The following PARD6G variants were observed in gnomAD, a reference collection of about 807,000 sequenced individuals.
The protein encoded by PARD6G is par-6 family cell polarity regulator gamma.
PARD6G carries 7 observed loss-of-function variants against 10.7 expected under a neutral mutation model. That is an observed-to-expected ratio of 0.66 (90% CI 0.37 to 1.23). The LOEUF (loss-of-function observed/expected upper bound fraction) is 1.23. Among genes scored for constraint, PARD6G ranks in the 50% most tolerant of loss-of-function variants. PARD6G has a pLI of 0.02. For missense variants in PARD6G, 548 were observed against 571.8 expected, an observed-to-expected ratio of 0.96 and a Z score of 0.42; for synonymous variants, 287 against 269.4, an observed-to-expected ratio of 1.07 and a Z score of -0.64.
At chr18:80,193,746 T>C (rs1966924040) in intron 2 of PARD6G, among the ~76,000 whole-genome samples, 1 of 152,160 alleles carries the variant, frequency 6.6e-6, no homozygotes, top group African/African-American at 2.4e-5. Flanking sequence ...TGGCTCCGAG[T>C]GGAACTGCTG....
chr18:80,222,542 G>A (rs187516714), intron 1 of PARD6G, among the ~76,000 whole-genome samples: 21 of 151,962 alleles, frequency 1.4e-4, no homozygotes, highest in East Asian at 1.4e-3. Flanking sequence ...TCTTGAAAAC[G>A]AAAAACATAG....
chr18:80,216,846 T>C (rs761299489), intron 1 of PARD6G, among the ~76,000 whole-genome samples: 2 of 152,114 alleles, frequency 1.3e-5, no homozygotes, highest in African/African-American at 4.8e-5. Context: ...ACTAACAATA[T>C]TGACAAATCT....
intron 2 of PARD6G, among the ~76,000 whole-genome samples, chr18:80,190,567 G>A (rs1966889051): frequency 1.3e-5 from 2 of 152,250 alleles, no homozygotes; most frequent in South Asian, 2.1e-4. Context: ...ATGGAAGCAG[G>A]CCCAGACACG....
rs138684648 is a variant in PARD6G, at chr18:80,242,888, G to A, written c.72+4389C>T. On this transcript the variant is annotated intron_variant, in intron 1 of 2. Transcript: ENST00000353265. Reference sequence around the variant, plus strand: ...GGGAAAGAATGAGAAAATGCCCAGCGCTAGAAGGAGGAAAGAAGAAAGGGA... The same window carrying A: ...GGGAAAGAATGAGAAAATGCCCAGCACTAGAAGGAGGAAAGAAGAAAGGGA... Among the ~76,000 whole-genome samples, 287 of 152,242 alleles carry A rather than the reference G, an allele frequency of 1.9e-3. 3 individuals are homozygous for A. Among genetic ancestry groups the A allele is most frequent in the Admixed American group, 6.2e-3 (95 of 15,288 alleles).
rs1297054817 is a variant in PARD6G at position 80,181,005 on chromosome 18, G to T, written c.296-20399C>A. Among the ~76,000 whole-genome samples the T allele has an allele frequency of 6.6e-6, 1 of 152,198 alleles. No individual in the cohort carries two copies. Among genetic ancestry groups the T allele is most frequent in the Non-Finnish European group, 1.5e-5 (1 of 68,030 alleles). On this transcript the variant is annotated intron_variant, in intron 2 of 2. Transcript: ENST00000353265. The surrounding 1 kb of genome is among the most constrained non-coding windows in gnomAD (Gnocchi z 7.9). ...TGAGGGTAAGAACCCGGCCTCACAC[G>T]CACGTTTCCAGCGGGCTGGAAGGCG...
chr18:80,236,606 T>C (rs545133816), intron 1 of PARD6G, among the ~76,000 whole-genome samples: 1 of 152,272 alleles, frequency 6.6e-6, no homozygotes, highest in South Asian at 2.1e-4. Context: ...GAAAACCCCA[T>C]CGTCTCAGCC....
chr18:80,239,749 A>G (rs1426477732), intron 1 of PARD6G, among the ~76,000 whole-genome samples: 1 of 152,240 alleles, frequency 6.6e-6, no homozygotes, highest in Non-Finnish European at 1.5e-5. Context: ...CACTAGTGCC[A>G]CTTACCTTCA....
chr18:80,201,799 C>T lies in PARD6G; in HGVS notation c.295+911G>A, dbSNP rs1045786453. Among the ~76,000 whole-genome samples the T allele has an allele frequency of 4.6e-5, 7 of 152,220 alleles. No individual in the cohort carries two copies. Among genetic ancestry groups the T allele is most frequent in the Non-Finnish European group, 7.4e-5 (5 of 68,024 alleles). On this transcript the variant is annotated intron_variant, in intron 2 of 2. Transcript: ENST00000353265. This position sits in a 1 kb window ranked among gnomAD's most constrained non-coding sequence, Gnocchi z 5.9. ...AAGCAGGACGCTGGGGTGAAGGAGG[C>T]GGAGGGCCTCGTCTGAGAACTCGCC...
intron 1 of PARD6G, among the ~76,000 whole-genome samples, chr18:80,205,621 C>T (rs1967047449): frequency 6.6e-6 from 1 of 152,176 alleles, no homozygotes; most frequent in South Asian, 2.1e-4. Flanking sequence ...TCTTTTAGTC[C>T]TGCTCCTGCC....
chr18:80,234,704 G>A (rs1967398964), intron 1 of PARD6G, among the ~76,000 whole-genome samples: 1 of 152,088 alleles, frequency 6.6e-6, no homozygotes, highest in African/African-American at 2.4e-5. Flanking sequence ...TCAAGCCCAG[G>A]TGAGTGACTG....
At position 80,159,893 on chromosome 18, in the gene PARD6G, G is replaced by A. The variant is rs772281372; in HGVS notation, c.1009C>T (p.Arg337Trp). ...AGGCCGCCGTCCAGGGCCAGGTCCC[G>A]CTGCAGCCGCTGCGCCAGGCCCGCG... ...NGAGLAQRLQ[R>W]DLALDGGLQR... is the part of the protein sequence containing the mutation. The change falls in exon 3 of 3, where the codon CGG (arginine) becomes TGG (tryptophan). Residue 337 changes from arginine to tryptophan, a missense_variant. Transcript: ENST00000353265. 1.1e-5 allele frequency: 16 copies of A among 1,512,874 alleles called. No individual in the cohort carries two copies. The highest frequency in any genetic ancestry group is 2.9e-5 in the African/African-American group (2 of 69,278). 93.7% of individuals were successfully genotyped at this position (1,512,874 alleles called of 1,614,324 possible). A position where few individuals can be genotyped will look rare whatever the true frequency, so the allele number is the denominator to read the frequency against.
intron 1 of PARD6G, among the ~76,000 whole-genome samples, chr18:80,226,131 A>C (rs2145297926): frequency 2.9e-5 from 4 of 136,684 alleles, no homozygotes; most frequent in African/African-American, 5.5e-5. Flanking sequence ...CCCCCTCCCC[A>C]CAGGTAACCA....
At chr18:80,166,663 T>G (rs1032346360) in intron 2 of PARD6G, among the ~76,000 whole-genome samples, 5 of 151,248 alleles carry the variant, frequency 3.3e-5, no homozygotes, top group Non-Finnish European at 7.4e-5. Flanking sequence ...GCCCCTTTCA[T>G]CCTGTCCTGG....
At chr18:80,162,831 T>C (rs1005095000) in intron 2 of PARD6G, among the ~76,000 whole-genome samples, 11 of 152,078 alleles carry the variant, frequency 7.2e-5, no homozygotes, top group African/African-American at 2.7e-4. Context: ...GGCACAGAGC[T>C]CCTCTTCCCG....
intron 1 of PARD6G, among the ~76,000 whole-genome samples, chr18:80,235,274 A>G (rs1000732656): frequency 8.5e-5 from 13 of 152,344 alleles, no homozygotes; most frequent in African/African-American, 3.1e-4. Context: ...TACATAACAA[A>G]TTGAAGGCAG....
At chr18:80,171,816 T>G (rs2052779213) in intron 2 of PARD6G, 1 of 152,222 alleles carries the variant, frequency 6.6e-6, no homozygotes, top group Non-Finnish European at 1.5e-5. Context: ...TTCCATTGTG[T>G]TGATATACCA....
chr18:80,233,368 G>A (rs988954081), intron 1 of PARD6G, among the ~76,000 whole-genome samples: 1 of 152,210 alleles, frequency 6.6e-6, no homozygotes, highest in Admixed American at 6.5e-5. Flanking sequence ...CCACAGCTGG[G>A]CCTGCACTCC....
chr18:80,210,672 CA>C (rs935232861), intron 1 of PARD6G, among the ~76,000 whole-genome samples: 16 of 152,204 alleles, frequency 1.1e-4, no homozygotes, highest in African/African-American at 3.9e-4. Flanking sequence ...TTCCATGGGC[CA>C]AGTTTATTTT....
chr18:80,176,344 C>T (rs1330185440), intron 2 of PARD6G, among the ~76,000 whole-genome samples: 9 of 152,186 alleles, frequency 5.9e-5, no homozygotes, highest in Non-Finnish European at 8.8e-5. Flanking sequence ...ATACATCCCA[C>T]GTTTACTTTA....
Sources: gnomAD v4.1 joint callset for allele counts (sites outside exome capture counted in the v4.1 genomes callset) on GRCh38, gnomAD v4.1.1 for gene constraint, Gnocchi (gnomAD v3.1) non-coding constraint, MANE v1.5 for transcripts, NCBI Gene and HGNC (gene_info 2026-07-23, HGNC 2026-07-21) for gene names.